Variants in COL13A1 observed in about 807,000 individuals in gnomAD.
COL13A1 encodes the protein collagen type XIII alpha 1 chain, also known as collagen alpha-1(XIII) chain.
In COL13A1, 89 loss-of-function variants were observed where a neutral mutation model predicts 130.9. The observed-to-expected ratio is 0.68, with a 90% CI of 0.57 to 0.81. The LOEUF (loss-of-function observed/expected upper bound fraction) is 0.81, where lower values mean the gene tolerates loss of function less well. COL13A1 is among the 30% of genes least tolerant of loss of function. The pLI, the probability that COL13A1 is intolerant of heterozygous loss-of-function variation, is 0.00. For synonymous variants in COL13A1, 402 were observed against 341.6 expected, an observed-to-expected ratio of 1.18 and a Z score of -1.95; for missense variants, 879 against 934.6, an observed-to-expected ratio of 0.94 and a Z score of 0.78.
rs75442546 is a variant in COL13A1 at position 69,952,817 on chromosome 10, A to G, written c.2059-65A>G. On this transcript the variant is annotated intron_variant, in intron 38 of 40. Transcript: ENST00000645393. ...TTTTATTTTTCTTTTTCTGTCTTCA[A>G]CCTTAACACATGAATGATCTTAAAG... The G allele has an allele frequency of 6.2e-6, 7 of 1,132,446 alleles. 1 individual carries two copies. In the South Asian group the frequency reaches 9.0e-5, roughly 15 times the overall value. 70.1% of individuals were successfully genotyped at this position (1,132,446 alleles called of 1,614,324 possible).
intron 7 of COL13A1, among the ~76,000 whole-genome samples, chr10:69,886,010 T>G (rs571900162): frequency 6.6e-6 from 1 of 152,298 alleles, no homozygotes; most frequent in African/African-American, 2.4e-5. Flanking sequence ...CACAGGCCAC[T>G]GGACACTTAT....
chr10:69,863,628 G>A (rs1858880637), intron 2 of COL13A1, among the ~76,000 whole-genome samples: 2 of 152,200 alleles, frequency 1.3e-5, no homozygotes, highest in African/African-American at 2.4e-5. Flanking sequence ...GGTCGAGGGG[G>A]AGGGGACTTA....
At chr10:69,837,997 C>T (rs1850552651) in intron 2 of COL13A1, among the ~76,000 whole-genome samples, 4 of 152,244 alleles carry the variant, frequency 2.6e-5, no homozygotes, top group Non-Finnish European at 5.9e-5. Flanking sequence ...TTCTCCAGTG[C>T]TGTGGCCATC....
chr10:69,877,740 CACACACG>C, intron 5 of COL13A1: 2 of 357,146 alleles, frequency 5.6e-6, no homozygotes, highest in Non-Finnish European at 5.3e-6. Flanking sequence ...CACACACACA[CACACACG>C]TACGTGCCTC....
chr10:69,882,640 T>C (rs2060253988), intron 7 of COL13A1, among the ~76,000 whole-genome samples: 1 of 152,202 alleles, frequency 6.6e-6, no homozygotes, highest in Non-Finnish European at 1.5e-5. Context: ...GGCCAGGTTA[T>C]CCTCATCCCA....
intron 2 of COL13A1, among the ~76,000 whole-genome samples, chr10:69,846,028 C>T (rs1852945735): frequency 6.6e-6 from 1 of 152,260 alleles, no homozygotes; most frequent in South Asian, 2.1e-4. Context: ...AGGCCAGTGC[C>T]CAGGCAGTCC....
rs541592256 is a variant in COL13A1, at chr10:69,828,311, C to T, written c.364+5873C>T. On this transcript the variant is annotated intron_variant, in intron 2 of 40. Transcript: ENST00000645393. ...CTTCCTCCTGACTTTGCAGCCCCACCGCATGTCCCATCTGGCCTCCCAGAC... is the reference window on the plus strand; with the variant it reads ...CTTCCTCCTGACTTTGCAGCCCCACTGCATGTCCCATCTGGCCTCCCAGAC... 1.4e-4 allele frequency among the ~76,000 whole-genome samples: 21 copies of T among 152,200 alleles called. No individual in the cohort carries two copies. The East Asian group carries it at 3.7e-3, about 27-fold the overall frequency.
At chr10:69,845,250 T>A (rs1263939186) in intron 2 of COL13A1, among the ~76,000 whole-genome samples, 1 of 151,236 alleles carries the variant, frequency 6.6e-6, no homozygotes, top group East Asian at 1.9e-4. Flanking sequence ...TGGAGTGCAG[T>A]GGCGTGATCT....
chr10:69,874,365 C>T (rs2683556), intron 4 of COL13A1, among the ~76,000 whole-genome samples: 105,272 of 152,034 alleles, frequency 0.69, 36,617 homozygotes, highest in South Asian at 0.82. Flanking sequence ...TCCAGGCTCC[C>T]AGCAAACTCT....
intron 1 of COL13A1, among the ~76,000 whole-genome samples, chr10:69,807,370 T>G (rs1841872587): frequency 6.6e-6 from 1 of 152,186 alleles, no homozygotes; most frequent in African/African-American, 2.4e-5. Context: ...TGGTTGAAAC[T>G]TCCAAGCTAA....
chr10:69,900,614 T>C (rs1292154466), intron 14 of COL13A1, among the ~76,000 whole-genome samples: 1 of 152,266 alleles, frequency 6.6e-6, no homozygotes, highest in Non-Finnish European at 1.5e-5. Flanking sequence ...TAAACCAATA[T>C]TGATTTTACA....
intron 2 of COL13A1, among the ~76,000 whole-genome samples, chr10:69,826,898 T>C (rs896451919): frequency 6.6e-6 from 1 of 152,154 alleles, no homozygotes; most frequent in African/African-American, 2.4e-5. Context: ...AAGTGGAGTA[T>C]GTGCTCAAAC....
intron 39 of COL13A1, among the ~76,000 whole-genome samples, chr10:69,953,318 C>T (rs572478220): frequency 7.1e-4 from 108 of 152,310 alleles, no homozygotes; most frequent in African/African-American, 2.3e-3. Flanking sequence ...TTGTGAGCCA[C>T]GGATTTGCCT....
At chr10:69,936,880 GGT>G in intron 33 of COL13A1, 98 bp downstream of exon 33, 1 of 1,459,314 alleles carries the variant, frequency 6.9e-7, no homozygotes, top group South Asian at 1.2e-5. Context: ...GAAGGCATTA[GGT>G]GACACTCCAG....
chr10:69,864,194 AG>A (rs774626821), intron 2 of COL13A1, among the ~76,000 whole-genome samples: 3,838 of 152,304 alleles, frequency 0.025, 64 homozygotes, highest in Middle Eastern at 0.037. Flanking sequence ...TCAGGTTCCA[AG>A]TCTATGGAAG....
At chr10:69,865,866 G>A (rs1422540182) in intron 2 of COL13A1, among the ~76,000 whole-genome samples, 1 of 152,160 alleles carries the variant, frequency 6.6e-6, no homozygotes, top group Non-Finnish European at 1.5e-5. Context: ...CAGAGAGAGA[G>A]GCACTGTAGA....
At chr10:69,864,009 T>C (rs4117549) in intron 2 of COL13A1, among the ~76,000 whole-genome samples, 53,456 of 151,920 alleles carry the variant, frequency 0.35, 10,023 homozygotes, top group East Asian at 0.61. Flanking sequence ...GCTGAGGCTG[T>C]AGTGAGCCGT....
chr10:69,881,079 C>A (rs1288532174), intron 7 of COL13A1, among the ~76,000 whole-genome samples: 1 of 152,220 alleles, frequency 6.6e-6, no homozygotes, highest in Non-Finnish European at 1.5e-5. Context: ...CTTGAGAAAA[C>A]CAGCGAGGCT....
intron 3 of COL13A1, among the ~76,000 whole-genome samples, chr10:69,869,892 A>G (rs1472381971): frequency 2.6e-5 from 4 of 152,238 alleles, no homozygotes; most frequent in African/African-American, 9.6e-5. Flanking sequence ...AGCAGCTGCC[A>G]GGCCTTGCTG....
Sources: gnomAD v4.1 joint callset for allele counts (sites outside exome capture counted in the v4.1 genomes callset) on GRCh38, gnomAD v4.1.1 for gene constraint, MANE v1.5 for transcripts, NCBI Gene and HGNC (gene_info 2026-07-23, HGNC 2026-07-21) for gene names.